Variants in ACSS3 observed in about 807,000 individuals in gnomAD.
ACSS3 encodes the protein acyl-CoA synthetase short chain family member 3, also known as acyl-CoA synthetase short-chain family member 3, mitochondrial.
A neutral mutation model predicts 84.2 loss-of-function variants in ACSS3; 64 were observed. The ratio of observed to expected loss-of-function variants is 0.76; its 90% CI spans 0.62 to 0.94. The LOEUF is 0.94. Ranked by LOEUF, ACSS3 falls within the 40% of genes least tolerant of loss-of-function variation. The pLI is 0.00. For missense variants in ACSS3, 815 were observed against 867.6 expected (o/e 0.94, Z 0.76); for synonymous variants, 317 against 310.1 (o/e 1.02, Z -0.23).
chr12:81,133,115 G>A (rs994109504), intron 2 of ACSS3, among the ~76,000 whole-genome samples: 12 of 24,758 alleles, frequency 4.8e-4, no homozygotes, highest in Non-Finnish European at 2.1e-3. Context: ...CACTAAAATC[G>A]TGTTTTTTTT....
At chr12:81,248,818 C>T (rs1184148467) in intron 13 of ACSS3, among the ~76,000 whole-genome samples, 4 of 151,604 alleles carry the variant, frequency 2.6e-5, no homozygotes, top group African/African-American at 9.7e-5. Context: ...TCACATGTAC[C>T]CTATAAATAT....
intron 8 of ACSS3, among the ~76,000 whole-genome samples, chr12:81,198,611 A>T (rs1338496079): frequency 6.6e-6 from 1 of 151,530 alleles, no homozygotes; most frequent in African/African-American, 2.4e-5. Context: ...AAAAACCCAT[A>T]AACACCCATG....
intron 7 of ACSS3, among the ~76,000 whole-genome samples, chr12:81,170,788 G>T (rs959872828): frequency 6.6e-6 from 1 of 152,040 alleles, no homozygotes; most frequent in Admixed American, 6.6e-5. Context: ...AGGCAGTTCA[G>T]TATGCTTAGT....
chr12:81,171,628 A>C (rs567004165), intron 7 of ACSS3, among the ~76,000 whole-genome samples: 3 of 152,170 alleles, frequency 2.0e-5, no homozygotes, highest in Non-Finnish European at 4.4e-5. Context: ...TTTATAATCC[A>C]TAAGTATAAT....
At chr12:81,157,931 T>TACACACAC (rs35855433) in intron 7 of ACSS3, among the ~76,000 whole-genome samples, 1,624 of 144,198 alleles carry the variant, frequency 0.011, 14 homozygotes, top group African/African-American at 0.03. Flanking sequence ...GATTACAGAA[T>TACACACAC]ACACACACAC....
intron 5 of ACSS3, among the ~76,000 whole-genome samples, chr12:81,150,946 A>G (rs7968950): frequency 0.71 from 107,341 of 152,072 alleles, 38,224 homozygotes; most frequent in Non-Finnish European, 0.76. Context: ...ATACATGTGA[A>G]TGGAATATAC....
chr12:81,201,873 T>C (rs927778715), intron 9 of ACSS3, among the ~76,000 whole-genome samples: 4 of 152,200 alleles, frequency 2.6e-5, no homozygotes, highest in Admixed American at 6.5e-5. Context: ...AATTTCATTA[T>C]AGGTGATGCA....
At chr12:81,093,868 C>T (rs1881839065) in intron 1 of ACSS3, among the ~76,000 whole-genome samples, 1 of 152,062 alleles carries the variant, frequency 6.6e-6, no homozygotes, top group Non-Finnish European at 1.5e-5. Flanking sequence ...GTCTGTCAAT[C>T]TGTTTGACTC....
chr12:81,167,749 C>T (rs1241563386), intron 7 of ACSS3, among the ~76,000 whole-genome samples: 2 of 152,142 alleles, frequency 1.3e-5, no homozygotes, highest in South Asian at 2.1e-4. Flanking sequence ...ATTTTCAACA[C>T]GTGAATTTTG....
chr12:81,077,906 G>A (rs1206416888), upstream of ACSS3: 2 of 514,750 alleles, frequency 3.9e-6, no homozygotes, highest in Non-Finnish European at 6.7e-6. Context: ...CAACGGCGCT[G>A]TGACACCCCT....
chr12:81,096,268 TGTCAG>T (rs1186193290), intron 1 of ACSS3, among the ~76,000 whole-genome samples: 2 of 152,216 alleles, frequency 1.3e-5, no homozygotes, highest in Non-Finnish European at 2.9e-5. Context: ...AAGGAGAATG[TGTCAG>T]GAGAGTATAT....
At chr12:81,199,802 G>A (rs1032691722) in intron 9 of ACSS3, 6 of 641,836 alleles carry the variant, frequency 9.3e-6, no homozygotes, top group African/African-American at 1.9e-5. Context: ...TCTGGCAGCT[G>A]CATTATCCTC....
chr12:81,220,134 GA>G, intron 11 of ACSS3, 58 bp downstream of exon 11: 2 of 1,092,266 alleles, frequency 1.8e-6, no homozygotes, highest in Non-Finnish European at 2.5e-6. Flanking sequence ...TATATACTAA[GA>G]AAAAATGGGG....
At chr12:81,122,907 T>A (rs760997420) in intron 2 of ACSS3, among the ~76,000 whole-genome samples, 3 of 152,200 alleles carry the variant, frequency 2.0e-5, no homozygotes, top group Admixed American at 6.5e-5. Context: ...AATTGTGTTA[T>A]GTTTTAAAAA....
Position 81,089,593 on chromosome 12 carries a change from T to C in ACSS3, c.311+11162T>C, listed in dbSNP as rs151035119. ...GTTTATGGGATGAGTCAAAAATATA[T>C]GTGCAGAGTCTGTAATAGAATGAGA... On this transcript the variant is annotated intron_variant, in intron 1 of 15. Coordinates refer to ENST00000548058, the MANE Select transcript of ACSS3 (RefSeq NM_024560.4). Among the ~76,000 whole-genome samples, 6 of 152,104 alleles carry C rather than the reference T, an allele frequency of 3.9e-5. No homozygotes were observed. The East Asian group carries it at 1.2e-3, about 29-fold the overall frequency.
intron 7 of ACSS3, among the ~76,000 whole-genome samples, chr12:81,163,086 A>G (rs559890423): frequency 6.6e-6 from 1 of 152,120 alleles, no homozygotes; most frequent in Admixed American, 6.5e-5. Flanking sequence ...CTCCACAGTA[A>G]CCATTCCAGA....
intron 11 of ACSS3, among the ~76,000 whole-genome samples, chr12:81,224,563 C>A (rs7975907): frequency 2.6e-5 from 2 of 77,214 alleles, no homozygotes; most frequent in African/African-American, 4.5e-5. Flanking sequence ...TATATATATA[C>A]ACACACACAC....
At chr12:81,173,616 A>T (rs2030245289) in intron 7 of ACSS3, among the ~76,000 whole-genome samples, 1 of 152,146 alleles carries the variant, frequency 6.6e-6, no homozygotes, top group Non-Finnish European at 1.5e-5. Context: ...TCCTTTTTCT[A>T]AATTAAGAAA....
intron 5 of ACSS3, among the ~76,000 whole-genome samples, chr12:81,149,083 G>GA (rs557971395): frequency 3.3e-5 from 5 of 150,230 alleles, no homozygotes; most frequent in African/African-American, 9.8e-5. Context: ...CATCTCAAAG[G>GA]AAAAAAAAGA....
Sources: allele counts gnomAD v4.1 joint callset (sites outside exome capture counted in the v4.1 genomes callset), GRCh38; gene constraint gnomAD v4.1.1; transcripts MANE v1.5; gene names NCBI Gene and HGNC (gene_info 2026-07-23, HGNC 2026-07-21).